Variants in FRAS1 observed in about 807,000 individuals in gnomAD.
The protein encoded by FRAS1 is Fraser extracellular matrix complex subunit 1, also known as extracellular matrix organizing protein FRAS1.
In FRAS1, 290 loss-of-function variants were observed where a neutral mutation model predicts 435.2. The observed-to-expected ratio is 0.67, with a 90% CI of 0.61 to 0.73. FRAS1 has a LOEUF of 0.73. Ranked by LOEUF, FRAS1 falls within the 30% of genes least tolerant of loss-of-function variation. The pLI is 0.00. For missense variants in FRAS1, 4,860 were observed against 5,001.5 expected (o/e 0.97, Z 0.85); for synonymous variants, 1,800 against 1,851.0 (o/e 0.97, Z 0.71).
intron 29 of FRAS1, among the ~76,000 whole-genome samples, chr4:78,397,020 A>C (rs1181713126): frequency 6.6e-6 from 1 of 152,186 alleles, no homozygotes; most frequent in African/African-American, 2.4e-5. Context: ...ATTATTTGTC[A>C]GGCAGTTCAC....
At chr4:78,431,294 A>G (rs1734209597) in intron 37 of FRAS1, among the ~76,000 whole-genome samples, 1 of 152,230 alleles carries the variant, frequency 6.6e-6, no homozygotes, top group Non-Finnish European at 1.5e-5. Context: ...ATAGATTTGA[A>G]ACATTCCCAG....
chr4:78,085,867 G>A (rs866983538), intron 2 of FRAS1, among the ~76,000 whole-genome samples: 68 of 152,050 alleles, frequency 4.5e-4, no homozygotes, highest in Middle Eastern at 3.2e-3. Flanking sequence ...ACAGATCAAC[G>A]AGACAGAAAG....
intron 67 of FRAS1, 59 bp from the exon 68 acceptor site, chr4:78,521,464 G>A: frequency 1.8e-6 from 2 of 1,116,944 alleles, no homozygotes; most frequent in South Asian, 2.6e-5. Context: ...CTTATATGTG[G>A]TTGCTGTCAG....
At chr4:78,155,757 T>G (rs1318423009) in intron 2 of FRAS1, among the ~76,000 whole-genome samples, 1 of 152,188 alleles carries the variant, frequency 6.6e-6, no homozygotes, top group Non-Finnish European at 1.5e-5. Context: ...CCTGGCTTAC[T>G]TTCCCCAACT....
chr4:78,330,009 C>A (rs1223561660), intron 18 of FRAS1, among the ~76,000 whole-genome samples: 2 of 152,130 alleles, frequency 1.3e-5, no homozygotes, highest in African/African-American at 4.8e-5. Flanking sequence ...AGAGAATGAA[C>A]AAGCCTTCAT....
chr4:78,117,168 C>T (rs905244707), intron 2 of FRAS1, among the ~76,000 whole-genome samples: 1 of 152,222 alleles, frequency 6.6e-6, no homozygotes, highest in Non-Finnish European at 1.5e-5. Context: ...CCCCCACTCT[C>T]TTCTGGCTTG....
chr4:78,282,032 G>A (rs1334036413), intron 11 of FRAS1, among the ~76,000 whole-genome samples: 1 of 152,086 alleles, frequency 6.6e-6, no homozygotes, highest in Admixed American at 6.5e-5. Flanking sequence ...GCTAAATACC[G>A]TCACATTAAT....
chr4:78,344,827 A>G (rs1271396046), intron 20 of FRAS1, among the ~76,000 whole-genome samples: 5 of 152,210 alleles, frequency 3.3e-5, no homozygotes, highest in African/African-American at 9.6e-5. Flanking sequence ...ACGTTAATGC[A>G]TACTACATTT....
rs539735559 is a variant in FRAS1, at chr4:78,400,636, G to T, written c.3976-98G>T. 2.5e-3 allele frequency: 2,997 copies of T among 1,207,430 alleles called. 7 individuals are homozygous for T. Among genetic ancestry groups the T allele is most frequent in the Non-Finnish European group, 3.2e-3 (2,751 of 866,206 alleles). 74.8% of individuals were successfully genotyped at this position (1,207,430 alleles called of 1,614,324 possible). A position where few individuals can be genotyped will look rare whatever the true frequency, so the allele number is the denominator to read the frequency against. ...TGTGAATCTCTCTGTCTTATTAGAC[G>T]ATCTTTAACAACAACAGAACTGGAT... On this transcript the variant is annotated intron_variant, in intron 29 of 73. Coordinates refer to ENST00000512123, the MANE Select transcript of FRAS1 (RefSeq NM_025074.7).
intron 22 of FRAS1, among the ~76,000 whole-genome samples, chr4:78,365,460 TG>T (rs1560682491): frequency 1.5e-4 from 23 of 152,264 alleles, no homozygotes; most frequent in African/African-American, 5.5e-4. Flanking sequence ...TTCACAGCAG[TG>T]GAATCACAGA....
intron 2 of FRAS1, among the ~76,000 whole-genome samples, chr4:78,168,012 G>A (rs1266046821): frequency 6.6e-6 from 1 of 151,466 alleles, no homozygotes; most frequent in Non-Finnish European, 1.5e-5. Flanking sequence ...TAATTTTTGT[G>A]TGTCTCTATT....
intron 3 of FRAS1, among the ~76,000 whole-genome samples, chr4:78,244,072 C>CA (rs1230989563): frequency 6.6e-6 from 1 of 151,858 alleles, no homozygotes; most frequent in Non-Finnish European, 1.5e-5. Flanking sequence ...TATCCTTTAT[C>CA]AAAAAAATAG....
intron 47 of FRAS1, among the ~76,000 whole-genome samples, chr4:78,461,771 T>G (rs28613397): frequency 0.37 from 56,559 of 152,190 alleles, 11,027 homozygotes; most frequent in African/African-American, 0.48. Flanking sequence ...GAATGAAAGC[T>G]TATGTCCATA....
At chr4:78,076,972 A>G (rs935720430) in intron 2 of FRAS1, among the ~76,000 whole-genome samples, 2 of 152,216 alleles carry the variant, frequency 1.3e-5, no homozygotes, top group African/African-American at 4.8e-5. Context: ...TGTGAGCATC[A>G]AGGCATGTGT....
rs763537741 is a variant in FRAS1 at position 78,521,577 on chromosome 4, T to C, written c.10595T>C (p.Ile3532Thr). The C allele has an allele frequency of 9.3e-6, 15 of 1,611,396 alleles. No homozygotes were observed. Among genetic ancestry groups the C allele is most frequent in the Non-Finnish European group, 1.3e-5 (15 of 1,178,758 alleles). Residue 3532 changes from isoleucine to threonine, a missense_variant, in exon 68 of 74, where the codon ATT becomes ACT. By Grantham distance (89) the Ile-to-Thr change is moderately conservative. Transcript: ENST00000512123. ...SARLQIIRIY[I>T]REDGRLVIEF... ...AGGCTTCAGATAATAAGAATCTACA[T>C]TCGAGAGGATGGCCGTCTTGTCATT...
intron 44 of FRAS1, 100 bp downstream of exon 44, chr4:78,448,416 T>A: frequency 8.8e-7 from 1 of 1,136,458 alleles, no homozygotes; most frequent in Non-Finnish European, 1.2e-6. Flanking sequence ...TGTGGGTGCA[T>A]CTTAAAGTAC....
At chr4:78,283,033 TC>T in intron 12 of FRAS1, 66 bp downstream of exon 12, 1 of 1,214,704 alleles carries the variant, frequency 8.2e-7, no homozygotes, top group Non-Finnish European at 1.1e-6. Context: ...GAGATCCTCT[TC>T]CCCACCCCCT....
chr4:78,345,085 G>A lies in FRAS1; in HGVS notation c.2422+7268G>A, dbSNP rs549904191. ...GGCCATTTTCCTGTTGTGGATCTGGGCCGTTAAAAGCAGGAGATAGTTTTA... is the reference window on the plus strand; with the variant it reads ...GGCCATTTTCCTGTTGTGGATCTGGACCGTTAAAAGCAGGAGATAGTTTTA... On this transcript the variant is annotated intron_variant, in intron 20 of 73. Coordinates refer to ENST00000512123, the MANE Select transcript of FRAS1 (RefSeq NM_025074.7). 1.5e-4 allele frequency among the ~76,000 whole-genome samples: 23 copies of A among 152,278 alleles called. 1 individual carries two copies. In the South Asian group the frequency reaches 4.4e-3, roughly 29 times the overall value.
chr4:78,265,322 A>G (rs190696219), intron 7 of FRAS1, among the ~76,000 whole-genome samples: 3 of 152,318 alleles, frequency 2.0e-5, no homozygotes, highest in Non-Finnish European at 4.4e-5. Flanking sequence ...ATGTGCTGGC[A>G]AGCAGAACCT....
Sources: allele counts gnomAD v4.1 joint callset (sites outside exome capture counted in the v4.1 genomes callset), GRCh38; gene constraint gnomAD v4.1.1; transcripts MANE v1.5; gene names NCBI Gene and HGNC (gene_info 2026-07-23, HGNC 2026-07-21).